Variants in MACROH2A2 observed in about 807,000 individuals in gnomAD.
MACROH2A2 encodes the protein macroH2A.2 histone.
Under a neutral mutation model 37.6 loss-of-function variants are expected in MACROH2A2, and 6 were observed. The observed-to-expected ratio is 0.16, with a 90% CI of 0.09 to 0.32. The LOEUF is 0.32. Ranked by LOEUF, MACROH2A2 falls within the 10% of genes least tolerant of loss-of-function variation. The pLI is 1.00. For synonymous variants in MACROH2A2, 192 were observed against 202.7 expected, an observed-to-expected ratio of 0.95 and a Z score of 0.45; for missense variants, 290 against 485.9, an observed-to-expected ratio of 0.60 and a Z score of 3.79.
chr10:70,109,346 C>G, intron 8 of MACROH2A2, 139 bp downstream of exon 8: 1 of 713,432 alleles, frequency 1.4e-6, no homozygotes, highest in Non-Finnish European at 2.4e-6. Context: ...GGGCAGGAAA[C>G]CCGGTTTTCA....
chr10:70,097,374 G>T (rs1026159256), intron 6 of MACROH2A2, among the ~76,000 whole-genome samples: 3 of 152,152 alleles, frequency 2.0e-5, no homozygotes, highest in Non-Finnish European at 4.4e-5. Context: ...ACAGTGCTGG[G>T]CTCCTAGGCA....
intron 8 of MACROH2A2, among the ~76,000 whole-genome samples, chr10:70,110,781 A>T (rs908856498): frequency 6.6e-6 from 1 of 152,118 alleles, no homozygotes; most frequent in African/African-American, 2.4e-5. Context: ...GCTACTGAGG[A>T]GGCTGAGGCA....
intron 1 of MACROH2A2, among the ~76,000 whole-genome samples, chr10:70,054,588 CATT>C (rs1171178313): frequency 6.6e-6 from 1 of 152,154 alleles, no homozygotes; most frequent in African/African-American, 2.4e-5. Context: ...AAAAAGAAAA[CATT>C]ATTAAGAGCG....
chr10:70,092,260 C>T (rs2072250020), intron 4 of MACROH2A2, among the ~76,000 whole-genome samples: 1 of 152,052 alleles, frequency 6.6e-6, no homozygotes, highest in Admixed American at 6.5e-5. Context: ...CTTCCTGCCT[C>T]CGGAACTATG....
At position 70,091,915 on chromosome 10, in the gene MACROH2A2, G is replaced by C. The variant is rs778130741; in HGVS notation, c.438G>C (p.Gly146=). The C allele has an allele frequency of 2.5e-6, 4 of 1,613,832 alleles. No homozygotes were observed. The highest frequency in any genetic ancestry group is 3.4e-6 in the Non-Finnish European group (4 of 1,180,014). Reference sequence around the variant, plus strand: ...AGGCCACGTCAGGCAAGAAGGGGGGGAAGAAATCCAAGGCTGCCAAACCAC... The same window carrying C: ...AGGCCACGTCAGGCAAGAAGGGGGGCAAGAAATCCAAGGCTGCCAAACCAC... ...GRKATSGKKG[G]KKSKAAKPRT... Residue 146 remains glycine (G), a synonymous_variant, in exon 4 of 9, where the codon GGG becomes GGC. Transcript: ENST00000373255.
intron 7 of MACROH2A2, among the ~76,000 whole-genome samples, chr10:70,105,819 CAA>C (rs1249307112): frequency 6.6e-6 from 1 of 151,972 alleles, no homozygotes. Flanking sequence ...TCTGCAGTGA[CAA>C]AGAGGGAAAA....
intron 7 of MACROH2A2, among the ~76,000 whole-genome samples, chr10:70,104,706 GC>G (rs2136642545): frequency 6.6e-6 from 1 of 152,250 alleles, no homozygotes; most frequent in East Asian, 1.9e-4. Flanking sequence ...TGAACCGCAA[GC>G]CAGTGCTCCT....
intron 2 of MACROH2A2, among the ~76,000 whole-genome samples, chr10:70,084,741 A>G (rs1397642854): frequency 6.6e-6 from 1 of 152,016 alleles, no homozygotes; most frequent in Non-Finnish European, 1.5e-5. Flanking sequence ...AGGTGGAACT[A>G]CAGGCACATA....
chr10:70,103,877 C>T (rs898481477), intron 7 of MACROH2A2, among the ~76,000 whole-genome samples: 7 of 151,968 alleles, frequency 4.6e-5, no homozygotes, highest in African/African-American at 7.2e-5. Context: ...CATTTTGCTA[C>T]GTTGTCATTC....
intron 5 of MACROH2A2, among the ~76,000 whole-genome samples, chr10:70,094,533 T>C (rs771504984): frequency 6.6e-6 from 1 of 152,236 alleles, no homozygotes; most frequent in Non-Finnish European, 1.5e-5. Context: ...TGTTTCCATC[T>C]TGACAACACA....
intron 2 of MACROH2A2, among the ~76,000 whole-genome samples, chr10:70,086,132 G>A (rs1401459745): frequency 6.6e-6 from 1 of 151,838 alleles, no homozygotes; most frequent in Non-Finnish European, 1.5e-5. Flanking sequence ...CAAAGTGCTG[G>A]GGTTATAGGC....
rs2271700 is a variant in MACROH2A2 at position 70,090,180 on chromosome 10, C to A, written c.279+14C>A. 273,768 of 1,554,622 alleles carry A rather than the reference C, an allele frequency of 0.18. 28,944 individuals are homozygous for A. Among genetic ancestry groups the A allele is most frequent in the East Asian group, 0.48 (21,314 of 44,564 alleles). ...GAGCTCAACCAGGTATGTCTGAAGCCTTGAGGGAAGCCGTAGAATGGGTTT... is the reference window on the plus strand; with the variant it reads ...GAGCTCAACCAGGTATGTCTGAAGCATTGAGGGAAGCCGTAGAATGGGTTT... On this transcript the variant is annotated intron_variant, in intron 3 of 8. Transcript: ENST00000373255.
At chr10:70,069,968 G>T (rs1037230827) in intron 1 of MACROH2A2, among the ~76,000 whole-genome samples, 3 of 152,172 alleles carry the variant, frequency 2.0e-5, no homozygotes, top group Admixed American at 6.5e-5. Flanking sequence ...AGAAAGCAGG[G>T]TCTTCTCTGG....
chr10:70,073,557 G>C (rs2072122566), intron 1 of MACROH2A2, among the ~76,000 whole-genome samples: 1 of 152,138 alleles, frequency 6.6e-6, no homozygotes, highest in Non-Finnish European at 1.5e-5. Context: ...TAAAATAGGG[G>C]AGTAGTAAGT....
chr10:70,064,326 C>T (rs899661662), intron 1 of MACROH2A2, among the ~76,000 whole-genome samples: 1 of 152,178 alleles, frequency 6.6e-6, no homozygotes, highest in South Asian at 2.1e-4. Context: ...GCCAAGATTG[C>T]GCCACTGCAC....
In MACROH2A2 at chr10:70,093,741, C is replaced by A. The variant is rs1270535626; in HGVS notation, c.484C>A (p.Pro162Thr). Residue 162 changes from proline to threonine, a missense_variant, in exon 5 of 9, where the codon CCA becomes ACA. Pro to Thr is a conservative substitution (Grantham distance 38). Coordinates refer to ENST00000373255, the MANE Select transcript of MACROH2A2 (RefSeq NM_018649.3). ...TTTTGATTTTTACCGACAGTCCAAA[C>A]CAAAGGACAGCGATAAAGAAGGAAC... ...AKPRTSKKSK[P>T]KDSDKEGTSN... 1.3e-6 allele frequency: 2 copies of A among 1,595,806 alleles called. No individual in the cohort carries two copies. Among genetic ancestry groups the A allele is most frequent in the Non-Finnish European group, 1.7e-6 (2 of 1,163,334 alleles).
chr10:70,082,799 G>A (rs1379785650), intron 2 of MACROH2A2, among the ~76,000 whole-genome samples: 2 of 152,152 alleles, frequency 1.3e-5, no homozygotes, highest in African/African-American at 2.4e-5. Context: ...GGTTACCAGG[G>A]GCTGGGGAGA....
intron 1 of MACROH2A2, among the ~76,000 whole-genome samples, chr10:70,065,789 G>T (rs1407101643): frequency 2.0e-5 from 3 of 152,030 alleles, no homozygotes; most frequent in African/African-American, 7.2e-5. Context: ...AAAGAAATTG[G>T]CAGTGGGTTG....
At chr10:70,062,808 C>T (rs2072057500) in intron 1 of MACROH2A2, among the ~76,000 whole-genome samples, 1 of 151,980 alleles carries the variant, frequency 6.6e-6, no homozygotes, top group South Asian at 2.1e-4. Context: ...ATGTTCTCAC[C>T]CATAAGTGGA....
Sources: allele counts gnomAD v4.1 joint callset (sites outside exome capture counted in the v4.1 genomes callset), GRCh38; gene constraint gnomAD v4.1.1; transcripts MANE v1.5; gene names NCBI Gene and HGNC (gene_info 2026-07-23, HGNC 2026-07-21).